The following GPR107 variants were observed in gnomAD, a reference collection of about 807,000 sequenced individuals.
GPR107 encodes the protein protein GPR107.
In GPR107, 31 loss-of-function variants were observed where a neutral mutation model predicts 75.5. The observed-to-expected ratio is 0.41, with a 90% CI of 0.31 to 0.55. The LOEUF is 0.55. Ranked by LOEUF, GPR107 falls within the 20% of genes least tolerant of loss-of-function variation. The pLI is 0.26. For missense variants in GPR107, 572 were observed against 665.7 expected (o/e 0.86, Z 1.55); for synonymous variants, 267 against 251.3 (o/e 1.06, Z -0.59).
rs373368204 is a variant in GPR107, at chr9:130,100,714, G to T, written c.1013+12G>T. On this transcript the variant is annotated intron_variant, in intron 11 of 17. Coordinates refer to ENST00000347136, the MANE Select transcript of GPR107 (RefSeq NM_020960.5). Reference sequence around the variant, plus strand: ...TACATAACTCACCTGTAAGTATGCAGGTCCATGTGAAATACACCATGAAAT... The same window carrying T: ...TACATAACTCACCTGTAAGTATGCATGTCCATGTGAAATACACCATGAAAT... 3.2e-5 allele frequency: 51 copies of T among 1,585,370 alleles called. No homozygotes were observed. Among genetic ancestry groups the T allele is most frequent in the Non-Finnish European group, 2.4e-5 (28 of 1,153,830 alleles).
intron 3 of GPR107, among the ~76,000 whole-genome samples, chr9:130,076,964 T>G (rs908359968): frequency 1.3e-5 from 2 of 151,072 alleles, no homozygotes; most frequent in Non-Finnish European, 2.9e-5. Flanking sequence ...CTTGGCTCAC[T>G]GCAACCTCCG....
rs1047166000 is a variant in GPR107 at position 130,137,048 on chromosome 9, T to G, written c.*1927T>G. On this transcript the variant is annotated 3_prime_UTR_variant, in exon 18 of 18. Coordinates refer to ENST00000347136, the MANE Select transcript of GPR107 (RefSeq NM_020960.5). ...TAATACCAGTTTTCGCAGAAATGTG[T>G]CTCAATCTGTGACTACCAAAGCCCT... 2 of 152,204 alleles carry G rather than the reference T, an allele frequency of 1.3e-5. No individual in the cohort carries two copies. Among genetic ancestry groups the G allele is most frequent in the Non-Finnish European group, 2.9e-5 (2 of 68,040 alleles). 9.4% of individuals were successfully genotyped at this position (152,204 alleles called of 1,614,324 possible). A position where few individuals can be genotyped will look rare whatever the true frequency, so the allele number is the denominator to read the frequency against.
intron 1 of GPR107, among the ~76,000 whole-genome samples, chr9:130,056,203 G>A (rs931374848): frequency 1.3e-5 from 2 of 152,222 alleles, no homozygotes; most frequent in African/African-American, 4.8e-5. Context: ...TGTAATCCCA[G>A]CACTTTCAGA....
intron 9 of GPR107, among the ~76,000 whole-genome samples, chr9:130,098,765 T>C (rs561136611): frequency 1.3e-5 from 2 of 152,254 alleles, no homozygotes; most frequent in South Asian, 2.1e-4. Flanking sequence ...CCCAGCACTT[T>C]GGGAGGCAGA....
intron 14 of GPR107, among the ~76,000 whole-genome samples, chr9:130,109,924 T>C (rs936690956): frequency 1.3e-5 from 2 of 152,250 alleles, no homozygotes; most frequent in African/African-American, 2.4e-5. Flanking sequence ...TATTATCTTA[T>C]ACACTTCTGT....
Position 130,124,968 on chromosome 9 carries a change from AGT to A in GPR107, c.1356+5_1356+6del. On this transcript the variant is annotated splice_donor_5th_base_variant and intron_variant, in intron 15 of 17. Coordinates refer to ENST00000347136, the MANE Select transcript of GPR107 (RefSeq NM_020960.5). Reference sequence around the variant, plus strand: ...TTTCAGACATTATTACGTCTTGGTAAGTAAAAAAAAAAAAAATCCTCAATCTA... The same window carrying A: ...TTTCAGACATTATTACGTCTTGGTAAAAAAAAAAAAAAAATCCTCAATCTA... The A allele has an allele frequency of 8.0e-7, 1 of 1,249,346 alleles. No individual in the cohort carries two copies. Among genetic ancestry groups the A allele is most frequent in the Admixed American group, 3.0e-5 (1 of 33,498 alleles). The allele number at this position is 1,249,346 out of a possible 1,614,324, so 77.4% of individuals were successfully genotyped here. A position where few individuals can be genotyped will look rare whatever the true frequency, so the allele number is the denominator to read the frequency against.
intron 1 of GPR107, among the ~76,000 whole-genome samples, chr9:130,062,534 A>G (rs953541951): frequency 4.0e-4 from 61 of 151,994 alleles, no homozygotes; most frequent in Admixed American, 2.4e-3. Flanking sequence ...TGTGCTAGGC[A>G]CTAGAGATAT....
chr9:130,083,096 T>C (rs1830531900), intron 5 of GPR107, among the ~76,000 whole-genome samples: 1 of 151,828 alleles, frequency 6.6e-6, no homozygotes. Flanking sequence ...AATTTTTGTA[T>C]TTTTAGTAGA....
At chr9:130,095,866 T>C (rs969041239) in intron 9 of GPR107, among the ~76,000 whole-genome samples, 1 of 152,104 alleles carries the variant, frequency 6.6e-6, no homozygotes, top group South Asian at 2.1e-4. Flanking sequence ...CCACATGATA[T>C]AAAGGCATAT....
At chr9:130,058,307 A>G (rs541105249) in intron 1 of GPR107, among the ~76,000 whole-genome samples, 1 of 152,310 alleles carries the variant, frequency 6.6e-6, no homozygotes, top group South Asian at 2.1e-4. Flanking sequence ...ATCTAGCCAC[A>G]GAACGTTTCT....
At chr9:130,057,628 A>C (rs931724420) in intron 1 of GPR107, among the ~76,000 whole-genome samples, 1 of 151,832 alleles carries the variant, frequency 6.6e-6, no homozygotes, top group Non-Finnish European at 1.5e-5. Context: ...CCATCAACAC[A>C]TGGCTGATTC....
At chr9:130,070,019 T>TTTTTTTTTTTTTTTTTTTTTTG in intron 1 of GPR107, among the ~76,000 whole-genome samples, 1 of 133,814 alleles carries the variant, frequency 7.5e-6, no homozygotes, top group Admixed American at 8.2e-5. Flanking sequence ...TTTAAATTTT[T>TTTTTTTTTTTTTTTTTTTTTTG]TTGAGACAGG....
intron 1 of GPR107, among the ~76,000 whole-genome samples, chr9:130,064,244 G>A (rs1342660902): frequency 4.9e-4 from 64 of 131,634 alleles, no homozygotes; most frequent in Middle Eastern, 5.2e-3. Flanking sequence ...AGGCCGGACT[G>A]CGGACTGCAG....
chr9:130,114,635 C>T (rs1831380649), intron 14 of GPR107: 2 of 738,948 alleles, frequency 2.7e-6, no homozygotes, highest in African/African-American at 1.9e-5. Context: ...GTCCTCCTGC[C>T]TCAGTCTCCC....
chr9:130,119,493 G>A (rs1332524958), intron 14 of GPR107, among the ~76,000 whole-genome samples: 1 of 152,186 alleles, frequency 6.6e-6, no homozygotes, highest in Non-Finnish European at 1.5e-5. Flanking sequence ...GGCGGGCATC[G>A]TTACTTCTGC....
intron 12 of GPR107, among the ~76,000 whole-genome samples, chr9:130,102,297 C>T (rs944787238): frequency 1.3e-5 from 2 of 152,188 alleles, no homozygotes; most frequent in Non-Finnish European, 2.9e-5. Flanking sequence ...TACAGCCTGC[C>T]GAGGTCTCGG....
chr9:130,072,718 G>A (rs990629517), intron 1 of GPR107, among the ~76,000 whole-genome samples: 1 of 151,892 alleles, frequency 6.6e-6, no homozygotes, highest in Non-Finnish European at 1.5e-5. Flanking sequence ...TACTATTTAT[G>A]TTGGGGGGGG....
At chr9:130,055,757 C>T (rs1218898770) in intron 1 of GPR107, among the ~76,000 whole-genome samples, 2 of 151,614 alleles carry the variant, frequency 1.3e-5, no homozygotes, top group Non-Finnish European at 2.9e-5. Flanking sequence ...CCAGCCTGGC[C>T]AACATGGCAA....
rs1832015242 is a variant in GPR107, at chr9:130,138,457, TC to T, written c.*3341del. The T allele has an allele frequency of 5.0e-5, 1 of 20,110 alleles. No individual in the cohort carries two copies. The highest frequency in any genetic ancestry group is 1.0e-4 in the Non-Finnish European group (1 of 9,942). The allele number at this position is 20,110 out of a possible 1,614,324, so 1.2% of individuals were successfully genotyped here. The stretch of plus-strand genomic sequence containing the variant: ...TCGCCCTTCCCCCTTCCCCATCCCC[TC>T]CCCCTCCTCCTCTGCCCTCGCCCTT... On this transcript the variant is annotated 3_prime_UTR_variant, in exon 18 of 18. Transcript: ENST00000347136.
Sources: allele counts gnomAD v4.1 joint callset (sites outside exome capture counted in the v4.1 genomes callset), GRCh38; gene constraint gnomAD v4.1.1; transcripts MANE v1.5; gene names NCBI Gene and HGNC (gene_info 2026-07-23, HGNC 2026-07-21).